Variants in PFKFB1 observed in about 807,000 individuals in gnomAD.
PFKFB1 encodes 6-phosphofructo-2-kinase/fructose-2,6-bisphosphatase 1.
Under a neutral mutation model 46.4 loss-of-function variants are expected in PFKFB1, and 34 were observed. The observed-to-expected ratio is 0.73, with a 90% CI of 0.56 to 0.98. PFKFB1 has a LOEUF of 0.98. Among genes scored for constraint, PFKFB1 ranks in the 50% least tolerant of loss-of-function variants. The probability of loss-of-function intolerance (pLI) is 0.00; values close to 1 mark genes in which losing one functional copy is unlikely to be tolerated. For synonymous variants in PFKFB1, 119 were observed against 133.8 expected (o/e 0.89, Z 0.76); for missense variants, 393 against 376.3 (o/e 1.04, Z -0.37).
chrX:54,938,560 C>A (rs1259881960), intron 10 of PFKFB1, among the ~76,000 whole-genome samples: 15 of 110,959 alleles, frequency 1.4e-4, no homozygotes, highest in African/African-American at 4.9e-4. Flanking sequence ...ATCTACCAAG[C>A]AAATGGAAAA....
intron 1 of PFKFB1, among the ~76,000 whole-genome samples, chrX:54,981,315 T>C (rs1025463477): frequency 9.0e-6 from 1 of 111,339 alleles, no homozygotes; most frequent in African/African-American, 3.3e-5. Context: ...TAAAGCTGAA[T>C]AGATCTTAAA....
chrX:54,988,685 C>T (rs1446540349), intron 1 of PFKFB1, among the ~76,000 whole-genome samples: 1 of 111,633 alleles, frequency 9.0e-6, no homozygotes, highest in Non-Finnish European at 1.9e-5. Context: ...GTAAACCCTT[C>T]AACTTATAGT....
In PFKFB1 at chrX:54,962,641, T is replaced by C. The variant is rs775414871; in HGVS notation, c.223+616A>G. 1.1e-4 allele frequency among the ~76,000 whole-genome samples: 12 copies of C among 111,219 alleles called. No homozygotes were observed. In the Admixed American group the frequency reaches 1.1e-3, roughly 11 times the overall value. On this transcript the variant is annotated intron_variant, in intron 2 of 13. Coordinates refer to ENST00000375006, the MANE Select transcript of PFKFB1 (RefSeq NM_002625.4). ...GAAGAGGGGGAGAGATAGAGTGAAGTGGGGCAGAGAGACAGGATGTTGAGA... is the reference window on the plus strand; with the variant it reads ...GAAGAGGGGGAGAGATAGAGTGAAGCGGGGCAGAGAGACAGGATGTTGAGA...
chrX:54,943,643 C>T (rs1178648908), intron 10 of PFKFB1, among the ~76,000 whole-genome samples: 2 of 110,262 alleles, frequency 1.8e-5, no homozygotes, highest in Non-Finnish European at 3.8e-5. Flanking sequence ...CCCAGCTACT[C>T]GGGAGGCTGA....
At chrX:54,939,558 A>G (rs1052389872) in intron 10 of PFKFB1, among the ~76,000 whole-genome samples, 2 of 111,790 alleles carry the variant, frequency 1.8e-5, no homozygotes, top group Non-Finnish European at 3.8e-5. Context: ...TGATAAAGGG[A>G]ATATCACCAC....
chrX:54,989,343 C>T (rs1935182245), intron 1 of PFKFB1, among the ~76,000 whole-genome samples: 1 of 111,264 alleles, frequency 9.0e-6, no homozygotes, highest in Admixed American at 9.6e-5. Flanking sequence ...GATTATAGGG[C>T]AAAAACATCA....
intron 1 of PFKFB1, among the ~76,000 whole-genome samples, chrX:54,982,477 T>C (rs1295634187): frequency 8.9e-6 from 1 of 111,770 alleles, no homozygotes; most frequent in Non-Finnish European, 1.9e-5. Context: ...CAACAGCAGA[T>C]AGAAAATACT....
At chrX:54,975,991 A>G (rs1423183054) in intron 1 of PFKFB1, among the ~76,000 whole-genome samples, 3 of 111,683 alleles carry the variant, frequency 2.7e-5, no homozygotes, top group African/African-American at 9.7e-5. Flanking sequence ...AAAACTTCTA[A>G]AAAAAGGACT....
At chrX:54,942,601 T>C (rs1933676943) in intron 10 of PFKFB1, among the ~76,000 whole-genome samples, 1 of 111,345 alleles carries the variant, frequency 9.0e-6, no homozygotes, top group Non-Finnish European at 1.9e-5. Context: ...TTTCCATAGA[T>C]AAATTCTTGA....
At chrX:54,938,043 A>C (rs1425383855) in intron 10 of PFKFB1, among the ~76,000 whole-genome samples, 1 of 112,329 alleles carries the variant, frequency 8.9e-6, no homozygotes, top group East Asian at 2.8e-4. Context: ...AGAAAATTTT[A>C]TAAATATAGG....
rs189532422 is a variant in PFKFB1 at position 54,965,374 on chromosome X, A to G, written c.98-1992T>C. 7.1e-5 allele frequency among the ~76,000 whole-genome samples: 8 copies of G among 112,403 alleles called. No homozygotes were observed. In the East Asian group the frequency reaches 2.2e-3, roughly 31 times the overall value. ...GAAGAATTATACCAGACTTCTTGTC[A>G]GAAACCACATAAGCAAAAAGACAGT... On this transcript the variant is annotated intron_variant, in intron 1 of 13. Coordinates refer to ENST00000375006, the MANE Select transcript of PFKFB1 (RefSeq NM_002625.4).
At chrX:54,996,573 A>C (rs192414572), upstream of PFKFB1, among the ~76,000 whole-genome samples, 22 of 112,188 alleles carry the variant, frequency 2.0e-4, no homozygotes, top group Middle Eastern at 4.6e-3. Context: ...AATTGCCTGG[A>C]ATTAGCTATG....
chrX:54,950,166 G>A (rs1278999975), intron 8 of PFKFB1, among the ~76,000 whole-genome samples: 1 of 112,579 alleles, frequency 8.9e-6, no homozygotes, highest in Non-Finnish European at 1.9e-5. Flanking sequence ...AAAGTTCCAG[G>A]CACACATTTC....
chrX:54,988,047 A>G (rs778465957), intron 1 of PFKFB1, among the ~76,000 whole-genome samples: 14 of 111,695 alleles, frequency 1.3e-4, no homozygotes, highest in Non-Finnish European at 2.5e-4. Flanking sequence ...GAAGAGATGA[A>G]ATTATTTCTA....
chrX:54,987,274 A>G (rs1935134940), intron 1 of PFKFB1, among the ~76,000 whole-genome samples: 1 of 111,694 alleles, frequency 9.0e-6, no homozygotes, highest in African/African-American at 3.2e-5. Context: ...AAATAGATCT[A>G]TAACAAGGGG....
intron 1 of PFKFB1, among the ~76,000 whole-genome samples, chrX:54,985,770 AAG>A (rs1314540842): frequency 9.1e-6 from 1 of 110,043 alleles, no homozygotes; most frequent in African/African-American, 3.3e-5. Context: ...AGGAAGGTGA[AAG>A]AGAGCTATAT....
upstream of PFKFB1, chrX:54,994,874 T>TG (rs1353194978): frequency 1.3e-6 from 1 of 751,331 alleles, no homozygotes; most frequent in African/African-American, 2.3e-5. Flanking sequence ...AGCCATTGCC[T>TG]GGGGCTGGAG....
At chrX:54,940,799 G>C (rs1191887436) in intron 10 of PFKFB1, among the ~76,000 whole-genome samples, 1 of 111,670 alleles carries the variant, frequency 9.0e-6, no homozygotes, top group East Asian at 2.8e-4. Flanking sequence ...TCAATATCGT[G>C]AAGATGGCCA....
intron 1 of PFKFB1, among the ~76,000 whole-genome samples, chrX:54,964,796 T>C (rs775066623): frequency 2.7e-5 from 3 of 111,406 alleles, no homozygotes; most frequent in East Asian, 5.7e-4. Flanking sequence ...ATTGGAAAAG[T>C]TTATCATGCA....
Sources: gnomAD v4.1 joint callset for allele counts (sites outside exome capture counted in the v4.1 genomes callset) on GRCh38, gnomAD v4.1.1 for gene constraint, MANE v1.5 for transcripts, NCBI Gene and HGNC (gene_info 2026-07-23, HGNC 2026-07-21) for gene names.